Variants in TLE1 observed in about 807,000 individuals in gnomAD.
TLE1 encodes the protein TLE family member 1, transcriptional corepressor.
Under a neutral mutation model 89.8 loss-of-function variants are expected in TLE1, and 21 were observed. That is an observed-to-expected ratio of 0.23 (90% CI 0.17 to 0.34). TLE1 has a LOEUF of 0.34. TLE1 is among the 10% of genes least tolerant of loss of function. The probability of loss-of-function intolerance (pLI) is 1.00; values close to 1 mark genes in which losing one functional copy is unlikely to be tolerated. For missense variants in TLE1, 795 were observed against 1,031.2 expected, an observed-to-expected ratio of 0.77 and a Z score of 3.14; for synonymous variants, 447 against 407.6, an observed-to-expected ratio of 1.10 and a Z score of -1.16.
intron 6 of TLE1, among the ~76,000 whole-genome samples, chr9:81,644,292 TC>T: frequency 6.6e-6 from 1 of 152,300 alleles, no homozygotes; most frequent in Admixed American, 6.5e-5. Context: ...GCAGCATTAT[TC>T]AAAATAGCCA....
intron 4 of TLE1, among the ~76,000 whole-genome samples, chr9:81,657,330 T>C (rs1830261156): frequency 6.6e-6 from 1 of 152,200 alleles, no homozygotes; most frequent in South Asian, 2.1e-4. Flanking sequence ...TTTCTTCCTA[T>C]GCTCCTGGCC....
At chr9:81,669,994 C>T (rs898320520) in intron 4 of TLE1, among the ~76,000 whole-genome samples, 3 of 152,164 alleles carry the variant, frequency 2.0e-5, no homozygotes, top group African/African-American at 4.8e-5. Flanking sequence ...TGTTCCCAGA[C>T]GGGCTTTAAG....
intron 15 of TLE1, 106 bp from the exon 16 acceptor site, chr9:81,591,158 G>T: frequency 6.9e-7 from 1 of 1,440,078 alleles, no homozygotes; most frequent in Non-Finnish European, 9.4e-7. Context: ...GGTGTTTCAT[G>T]GACACTCTAA....
intron 4 of TLE1, among the ~76,000 whole-genome samples, chr9:81,670,466 C>T (rs1396409738): frequency 9.9e-5 from 15 of 152,116 alleles, no homozygotes; most frequent in Admixed American, 9.8e-4. Flanking sequence ...GCTGGGACTA[C>T]AGGCGTGCGC....
intron 6 of TLE1, among the ~76,000 whole-genome samples, chr9:81,650,675 A>C (rs569940326): frequency 1.4e-4 from 22 of 152,280 alleles, no homozygotes; most frequent in Non-Finnish European, 3.1e-4. Flanking sequence ...GTGATTAGAG[A>C]GCCCACTAAG....
intron 11 of TLE1, among the ~76,000 whole-genome samples, chr9:81,615,119 A>AAAAAAAG (rs1563972810): frequency 1.2e-5 from 1 of 81,302 alleles, no homozygotes; most frequent in Non-Finnish European, 2.2e-5. Flanking sequence ...AAAAAAAAAA[A>AAAAAAAG]AAGAAGAAGA....
chr9:81,656,682 A>G (rs576749602), intron 4 of TLE1, among the ~76,000 whole-genome samples: 72 of 152,304 alleles, frequency 4.7e-4, no homozygotes, highest in Non-Finnish European at 7.5e-4. Context: ...ATAATTTGTT[A>G]ATCAAACATG....
chr9:81,602,077 G>A (rs1831001334), intron 14 of TLE1, among the ~76,000 whole-genome samples: 1 of 152,184 alleles, frequency 6.6e-6, no homozygotes, highest in African/African-American at 2.4e-5. Flanking sequence ...AGGCATCCAT[G>A]AAGGCTTCAT....
intron 18 of TLE1, among the ~76,000 whole-genome samples, 180 bp from the exon 19 acceptor site, chr9:81,584,704 T>C (rs1166413727): frequency 1.3e-5 from 2 of 152,150 alleles, no homozygotes; most frequent in African/African-American, 2.4e-5. Flanking sequence ...ATCAGTGATC[T>C]TGGGTATAAT....
intron 2 of TLE1, among the ~76,000 whole-genome samples, chr9:81,686,882 A>G (rs1033591668): frequency 6.6e-6 from 1 of 152,312 alleles, no homozygotes; most frequent in South Asian, 2.1e-4. Context: ...GGGCAATGTT[A>G]TAAGCATCTA....
At chr9:81,599,824 C>G (rs903349739) in intron 14 of TLE1, 2 of 357,740 alleles carry the variant, frequency 5.6e-6, no homozygotes, top group African/African-American at 4.1e-5. Context: ...TAACAACTAA[C>G]TTGAAAGTAG....
intron 12 of TLE1, among the ~76,000 whole-genome samples, chr9:81,612,827 A>C (rs748644654): frequency 6.6e-6 from 1 of 152,170 alleles, no homozygotes; most frequent in African/African-American, 2.4e-5. Flanking sequence ...GGAGGCCGAG[A>C]TGGGCAGATC....
chr9:81,635,397 C>G (rs1271696245), intron 6 of TLE1, among the ~76,000 whole-genome samples: 1 of 152,146 alleles, frequency 6.6e-6, no homozygotes, highest in Non-Finnish European at 1.5e-5. Context: ...CATTGCTTAA[C>G]CCATTCCAGA....
chr9:81,671,650 A>G (rs904210336), intron 4 of TLE1, among the ~76,000 whole-genome samples: 1 of 152,174 alleles, frequency 6.6e-6, no homozygotes, highest in Non-Finnish European at 1.5e-5. Context: ...GTCTCAAAAA[A>G]AAAAAAGAAA....
chr9:81,589,870 G>GA, intron 16 of TLE1, among the ~76,000 whole-genome samples: 1 of 152,232 alleles, frequency 6.6e-6, no homozygotes, highest in South Asian at 2.1e-4. Context: ...AACAGAAGAG[G>GA]AAAGTAACTG....
Position 81,599,858 on chromosome 9 carries a change from G to A in TLE1, c.1332-6584C>T, listed in dbSNP as rs1358467554. 6 of 423,034 alleles carry A rather than the reference G, an allele frequency of 1.4e-5. No individual in the cohort carries two copies. In the East Asian group the frequency reaches 1.7e-4, roughly 12 times the overall value. The allele number at this position is 423,034 out of a possible 1,614,324, so 26.2% of individuals were successfully genotyped here. A position where few individuals can be genotyped will look rare whatever the true frequency, so the allele number is the denominator to read the frequency against. ...AGCAAACTTCAAAGCATTAGGTTGGGAGACTCTTTGTTTCCTTATTTAGAG... is the reference window on the plus strand; with the variant it reads ...AGCAAACTTCAAAGCATTAGGTTGGAAGACTCTTTGTTTCCTTATTTAGAG... On this transcript the variant is annotated intron_variant, in intron 14 of 19. Coordinates refer to ENST00000376499, the MANE Select transcript of TLE1 (RefSeq NM_005077.5).
chr9:81,656,875 G>A (rs1830208103), intron 4 of TLE1, among the ~76,000 whole-genome samples: 1 of 152,218 alleles, frequency 6.6e-6, no homozygotes, highest in Admixed American at 6.5e-5. Context: ...ATCCCTAGAT[G>A]TGAAACTGCT....
At chr9:81,664,548 T>C (rs1445492225) in intron 4 of TLE1, among the ~76,000 whole-genome samples, 2 of 152,156 alleles carry the variant, frequency 1.3e-5, no homozygotes, top group African/African-American at 4.8e-5. Context: ...TAATCACATT[T>C]TGGGGAAATC....
chr9:81,605,334 A>G (rs1026009486), intron 14 of TLE1, among the ~76,000 whole-genome samples: 1 of 152,140 alleles, frequency 6.6e-6, no homozygotes, highest in Non-Finnish European at 1.5e-5. Flanking sequence ...CTGAGGACTT[A>G]GGGCTGTTGA....
Sources: allele counts gnomAD v4.1 joint callset (sites outside exome capture counted in the v4.1 genomes callset), GRCh38; gene constraint gnomAD v4.1.1; transcripts MANE v1.5; gene names NCBI Gene and HGNC (gene_info 2026-07-23, HGNC 2026-07-21).